The following ORC1 variants were observed in gnomAD, a reference collection of about 807,000 sequenced individuals.
The protein encoded by ORC1 is origin recognition complex subunit 1, also known as origin recognition complex, subunit 1 homolog.
Under a neutral mutation model 98.9 loss-of-function variants are expected in ORC1, and 61 were observed. The ratio of observed to expected loss-of-function variants is 0.62; its 90% CI spans 0.50 to 0.76. The LOEUF (loss-of-function observed/expected upper bound fraction) is 0.76, where lower values mean the gene tolerates loss of function less well. Ranked by LOEUF, ORC1 falls within the 30% of genes least tolerant of loss-of-function variation. The pLI is 0.00. For missense variants in ORC1, 979 were observed against 1,072.2 expected (o/e 0.91, Z 1.21); for synonymous variants, 385 against 406.9 (o/e 0.95, Z 0.65).
chr1:52,405,224 T>C (rs1053081412), upstream of ORC1, among the ~76,000 whole-genome samples: 1 of 152,212 alleles, frequency 6.6e-6, no homozygotes, highest in African/African-American at 2.4e-5. Flanking sequence ...AACGTTAATA[T>C]GCCTGAAACC....
At chr1:52,374,558 C>T (rs1185052977) in intron 16 of ORC1, among the ~76,000 whole-genome samples, 1 of 152,210 alleles carries the variant, frequency 6.6e-6, no homozygotes, top group Non-Finnish European at 1.5e-5. Context: ...CAGGGAGTAA[C>T]TTTGTCTTGT....
At chr1:52,402,636 A>G (rs1464810199) in intron 1 of ORC1, among the ~76,000 whole-genome samples, 1 of 152,262 alleles carries the variant, frequency 6.6e-6, no homozygotes, top group Non-Finnish European at 1.5e-5. Context: ...ACACAAGGAT[A>G]AAACAGAAAT....
Position 52,384,626 on chromosome 1 carries a change from A to G in ORC1, c.1679T>C (p.Val560Ala), listed in dbSNP as rs1557574632. Residue 560 changes from valine (V) to alanine (A), a missense_variant, in exon 11 of 17, where the codon GTT (valine) becomes GCT (alanine). Coordinates refer to ENST00000371568, the MANE Select transcript of ORC1 (RefSeq NM_004153.4). ...GACCTCAATGTATTGAAAGGGAGGA[A>G]CATCATTGGCTTGGGCTGCCTGCTG... ...CLQQAAQAND[V>A]PPFQYIEVNG... The G allele has an allele frequency of 3.7e-6, 6 of 1,613,926 alleles. No individual in the cohort carries two copies. Among genetic ancestry groups the G allele is most frequent in the Non-Finnish European group, 5.1e-6 (6 of 1,179,860 alleles).
In ORC1 at chr1:52,380,621, GA is replaced by G. The variant is rs1464798916; in HGVS notation, c.2133+1020del. ...GAGGCAGGAGAATCTCTTGAACCTA[GA>G]AGGCGGAGGTTGCAGTGAGCTGAGA... is the stretch of plus-strand genomic sequence containing the variant. On this transcript the variant is annotated intron_variant, in intron 14 of 16. Coordinates refer to ENST00000371568, the MANE Select transcript of ORC1 (RefSeq NM_004153.4). Among the ~76,000 whole-genome samples the G allele has an allele frequency of 7.2e-5, 11 of 151,738 alleles. No individual in the cohort carries two copies. The South Asian group carries it at 2.3e-3, about 32-fold the overall frequency.
chr1:52,398,011 T>G lies in ORC1; in HGVS notation c.224-148A>C, dbSNP rs112369447. ...GAGACAGAGTCTCTGTCACCCAGGC[T>G]GGAGTGCAGTGGCCCCATCTTGGCT... is the stretch of plus-strand genomic sequence containing the variant. On this transcript the variant is annotated intron_variant, in intron 3 of 16. Transcript: ENST00000371568. The G allele has an allele frequency of 0.056, 40,607 of 729,950 alleles. 1,353 individuals are homozygous for G. The highest frequency in any genetic ancestry group is 0.088 in the South Asian group (5,521 of 63,078). 45.2% of individuals were successfully genotyped at this position (729,950 alleles called of 1,614,324 possible). A position where few individuals can be genotyped will look rare whatever the true frequency, so the allele number is the denominator to read the frequency against.
intron 6 of ORC1, among the ~76,000 whole-genome samples, chr1:52,389,877 C>T (rs1253692269): frequency 6.6e-6 from 1 of 151,988 alleles, no homozygotes; most frequent in African/African-American, 2.4e-5. Context: ...TGAGTCCTAG[C>T]CAGAGCAATC....
Position 52,398,506 on chromosome 1 carries a change from C to T in ORC1, c.224-643G>A, listed in dbSNP as rs1379940734. Among the ~76,000 whole-genome samples, 8 of 151,440 alleles carry T rather than the reference C, an allele frequency of 5.3e-5. 1 individual carries two copies. Among genetic ancestry groups the T allele is most frequent in the East Asian group, 1.9e-4 (1 of 5,154 alleles). On this transcript the variant is annotated intron_variant, in intron 3 of 16. Coordinates refer to ENST00000371568, the MANE Select transcript of ORC1 (RefSeq NM_004153.4). The stretch of plus-strand genomic sequence containing the variant: ...CTCAAACTCTTGACCTCAAGTGATC[C>T]GCCCGCCTTGGCCTCTCAAAGTGCT...
rs1647517032 is a variant in ORC1, at chr1:52,398,236, T to A, written c.224-373A>T. On this transcript the variant is annotated intron_variant, in intron 3 of 16. Transcript: ENST00000371568. ...ACCTTGGCCTCCCAAAGTGCTGGAA[T>A]TACAGGCATGAGCCACCACCTCCCG... Among the ~76,000 whole-genome samples the A allele has an allele frequency of 3.3e-5, 5 of 150,288 alleles. No homozygotes were observed. In the South Asian group the frequency reaches 1.1e-3, roughly 32 times the overall value.
chr1:52,401,218 GGAA>G (rs773075975), intron 3 of ORC1, 141 bp downstream of exon 3: 17 of 1,026,504 alleles, frequency 1.7e-5, no homozygotes, highest in East Asian at 2.4e-5. Context: ...TTTTTTAGAT[GGAA>G]GAAGACGCAG....
At chr1:52,382,596 T>G (rs911041053) in intron 13 of ORC1, among the ~76,000 whole-genome samples, 1 of 125,146 alleles carries the variant, frequency 8.0e-6, no homozygotes, top group African/African-American at 4.4e-5. Flanking sequence ...TTTTTTTTTT[T>G]GAGACAGAGT....
chr1:52,375,298 T>C, intron 15 of ORC1, 132 bp downstream of exon 15: 1 of 836,222 alleles, frequency 1.2e-6, no homozygotes, highest in Non-Finnish European at 2.0e-6. Context: ...TATTTCTGTT[T>C]CCCTGACTAG....
chr1:52,386,366 A>G (rs1037889930), intron 8 of ORC1, among the ~76,000 whole-genome samples: 2 of 152,220 alleles, frequency 1.3e-5, no homozygotes, highest in Non-Finnish European at 2.9e-5. Flanking sequence ...ATTTGAAGAT[A>G]TGGCCAAGCA....
In ORC1 at chr1:52,381,697, C is replaced by T. The variant is rs578112635; in HGVS notation, c.2078G>A (p.Arg693Gln). The change falls in exon 14 of 17, where the codon CGG (arginine) becomes CAG (glutamine). Residue 693 changes from arginine (R) to glutamine (Q), a missense_variant. Physicochemically the swap from Arg to Gln is conservative, Grantham distance 43 (BLOSUM62 1). Transcript: ENST00000371568. Reference sequence around the variant, plus strand: ...TTCAAAGGCCTTTAGATGCTTGAGCCGGGACCTTAGGATCTGCTGCAGCTG... The same window carrying T: ...TTCAAAGGCCTTTAGATGCTTGAGCTGGGACCTTAGGATCTGCTGCAGCTG... ...YSQLQQILRS[R>Q]LKHLKAFEDD... is the part of the protein sequence containing the mutation. 3.1e-5 allele frequency: 50 copies of T among 1,613,414 alleles called. No homozygotes were observed. Among genetic ancestry groups the T allele is most frequent in the South Asian group, 5.5e-5 (5 of 91,048 alleles).
intron 14 of ORC1, 22 bp downstream of exon 14, chr1:52,381,620 A>G (rs938161183): frequency 9.9e-6 from 16 of 1,610,744 alleles, no homozygotes; most frequent in Non-Finnish European, 1.2e-5. Flanking sequence ...TGACTGATTT[A>G]TGGGTGCAGC....
intron 8 of ORC1, 141 bp from the exon 9 acceptor site, chr1:52,386,090 C>T: frequency 1.4e-6 from 1 of 717,686 alleles, no homozygotes; most frequent in Non-Finnish European, 2.6e-6. Flanking sequence ...GATAAAGGAC[C>T]ATGACTCTCC....
chr1:52,397,569 G>T, intron 4 of ORC1, 116 bp downstream of exon 4: 1 of 951,832 alleles, frequency 1.1e-6, no homozygotes, highest in Non-Finnish European at 1.7e-6. Flanking sequence ...AAGATGACAG[G>T]AAATAATGCA....
At chr1:52,393,363 T>C in intron 6 of ORC1, 80 bp downstream of exon 6, 1 of 1,594,440 alleles carries the variant, frequency 6.3e-7, no homozygotes, top group Non-Finnish European at 8.6e-7. Context: ...ACTACTGTTC[T>C]AACTTTTTTG....
Position 52,402,127 on chromosome 1 carries a change from A to T in ORC1, c.95+2T>A. The T allele has an allele frequency of 6.2e-7, 1 of 1,610,804 alleles. No individual in the cohort carries two copies. Among genetic ancestry groups the T allele is most frequent in the East Asian group, 2.2e-5 (1 of 44,872 alleles). On this transcript the variant is annotated splice_donor_variant, in intron 2 of 16. Transcript: ENST00000371568. LOFTEE classifies it high-confidence loss of function. ...GGACAACCAAAGGACCCCATCACTC[A>T]CCTATAGGTTTGGTAGTGCAGTTTT...
In ORC1 at chr1:52,384,699, G is replaced by A. The variant is rs1277436567; in HGVS notation, c.1606C>T (p.Pro536Ser). Residue 536 changes from proline (P) to serine (S), a missense_variant, in exon 11 of 17, where the codon CCT (proline) becomes TCT (serine). Transcript: ENST00000371568. ...TGGCMYISGVPGTGKTATVHE... is the reference protein window; with the variant it reads ...TGGCMYISGVSGTGKTATVHE... Reference sequence around the variant, plus strand: ...ACAGTGGCAGTCTTCCCTGTCCCAGGGACACCGGAGATGTACATGCACCTA... The same window carrying A: ...ACAGTGGCAGTCTTCCCTGTCCCAGAGACACCGGAGATGTACATGCACCTA... 1.2e-6 allele frequency: 2 copies of A among 1,613,754 alleles called. No homozygotes were observed. The highest frequency in any genetic ancestry group is 1.7e-6 in the Non-Finnish European group (2 of 1,179,950).
Sources: gnomAD v4.1 joint callset for allele counts (sites outside exome capture counted in the v4.1 genomes callset) on GRCh38, gnomAD v4.1.1 for gene constraint, MANE v1.5 for transcripts, NCBI Gene and HGNC (gene_info 2026-07-23, HGNC 2026-07-21) for gene names.